The following VAV2 variants were observed in gnomAD, a reference collection of about 807,000 sequenced individuals.
VAV2 encodes vav guanine nucleotide exchange factor 2, also known as guanine nucleotide exchange factor VAV2.
A neutral mutation model predicts 132.5 loss-of-function variants in VAV2; 67 were observed. The observed-to-expected ratio is 0.51, with a 90% CI of 0.42 to 0.62. The LOEUF (loss-of-function observed/expected upper bound fraction) is 0.62. Ranked by LOEUF, VAV2 falls within the 20% of genes least tolerant of loss-of-function variation. VAV2 has a pLI of 0.00. For missense variants in VAV2, 938 were observed against 1,153.6 expected (o/e 0.81, Z 2.71); for synonymous variants, 492 against 443.5 (o/e 1.11, Z -1.37).
intron 2 of VAV2, among the ~76,000 whole-genome samples, chr9:133,875,163 G>A (rs1179746081): frequency 6.6e-6 from 1 of 152,136 alleles, no homozygotes; most frequent in East Asian, 1.9e-4. Flanking sequence ...CTCTCACCAC[G>A]CTCAGGTCAC....
At chr9:133,854,786 G>C (rs998635688) in intron 3 of VAV2, among the ~76,000 whole-genome samples, 1 of 152,126 alleles carries the variant, frequency 6.6e-6, no homozygotes, top group African/African-American at 2.4e-5. Flanking sequence ...TTATTGTAAC[G>C]AAAGGAAAGA....
intron 4 of VAV2, among the ~76,000 whole-genome samples, chr9:133,814,784 G>C (rs1262553455): frequency 3.3e-5 from 5 of 151,716 alleles, no homozygotes; most frequent in Non-Finnish European, 7.4e-5. Flanking sequence ...GACCAGAACC[G>C]GTTGCTGACG....
In VAV2 at chr9:133,884,524, C is replaced by G. The variant is rs1838624880; in HGVS notation, c.322-23092G>C. ...AAGCACTCAACAGATGCTGGCCCAC[C>G]CAGGCCAGCCTCTCCACCCAGGCCA... On this transcript the variant is annotated intron_variant, in intron 2 of 29. Coordinates refer to ENST00000371850, the MANE Select transcript of VAV2 (RefSeq NM_001134398.2). The surrounding 1 kb of genome is among the most constrained non-coding windows in gnomAD (Gnocchi z 5.3). Among the ~76,000 whole-genome samples, 1 of 151,452 alleles carries G rather than the reference C, an allele frequency of 6.6e-6. No homozygotes were observed. The highest frequency in any genetic ancestry group is 1.5e-5 in the Non-Finnish European group (1 of 67,938).
At chr9:133,975,719 C>T (rs547067433) in intron 1 of VAV2, among the ~76,000 whole-genome samples, 1 of 152,310 alleles carries the variant, frequency 6.6e-6, no homozygotes, top group South Asian at 2.1e-4. Flanking sequence ...GGCACAGTGC[C>T]CTGGGTCCAA....
At position 133,923,771 on chromosome 9, in the gene VAV2, GA is replaced by G. The variant is rs1840376149; in HGVS notation, c.321+15331del. On this transcript the variant is annotated intron_variant, in intron 2 of 29. Coordinates refer to ENST00000371850, the MANE Select transcript of VAV2 (RefSeq NM_001134398.2). ...GTCCACCAATGATAGACTGGATTAA[GA>G]AAATGTGGCACATATATACCATGGA... Among the ~76,000 whole-genome samples, 11 of 152,298 alleles carry G rather than the reference GA, an allele frequency of 7.2e-5. No homozygotes were observed. In the South Asian group the frequency reaches 2.3e-3, roughly 32 times the overall value.
chr9:133,791,624 G>C (rs1834465941), intron 13 of VAV2, among the ~76,000 whole-genome samples, 159 bp downstream of exon 13: 1 of 151,996 alleles, frequency 6.6e-6, no homozygotes, highest in African/African-American at 2.4e-5. Context: ...GGATGCTGGG[G>C]GTCTGAGATC....
rs191515732 is a variant in VAV2, at chr9:133,935,682, C to T, written c.321+3421G>A. On this transcript the variant is annotated intron_variant, in intron 2 of 29. Coordinates refer to ENST00000371850, the MANE Select transcript of VAV2 (RefSeq NM_001134398.2). This position sits in a 1 kb window ranked among gnomAD's most constrained non-coding sequence, Gnocchi z 5.2. ...CCAGACCGTGGTGAACGTCCCAGCT[C>T]CCCAGCCTCCGCTGGCCCCAGGCCA... Among the ~76,000 whole-genome samples the T allele has an allele frequency of 1.9e-4, 29 of 152,352 alleles. 1 individual carries two copies. Among genetic ancestry groups the T allele is most frequent in the African/African-American group, 6.5e-4 (27 of 41,588 alleles).
chr9:133,955,957 C>T (rs1023071436), intron 1 of VAV2, among the ~76,000 whole-genome samples: 6 of 150,720 alleles, frequency 4.0e-5, no homozygotes, highest in South Asian at 2.1e-4. Flanking sequence ...GCCCCCGCTC[C>T]GGGGAGCTCT....
rs1554768198 is a variant in VAV2 at position 133,769,472 on chromosome 9, G to A, written c.2379C>T (p.Leu793=). 7 of 1,613,048 alleles carry A rather than the reference G, an allele frequency of 4.3e-6. No individual in the cohort carries two copies. In the Admixed American group the frequency reaches 6.7e-5, roughly 15 times the overall value. ...ASCASYNFSF[L]SPQGLSFASQ... is the part of the protein sequence containing the mutation. ...AAGCAAAGCTGAGGCCCTGAGGACT[G>A]AGAAAAGAAAAGTTGTAGGAAGCAC... Residue 793 remains leucine (L), a synonymous_variant, in exon 28 of 30, where the codon CTC becomes CTT. Coordinates refer to ENST00000371850, the MANE Select transcript of VAV2 (RefSeq NM_001134398.2). The surrounding 1 kb of genome is among the most constrained non-coding windows in gnomAD (Gnocchi z 8.1).
intron 2 of VAV2, among the ~76,000 whole-genome samples, chr9:133,910,244 C>T (rs1394113983): frequency 6.6e-6 from 1 of 152,184 alleles, no homozygotes; most frequent in East Asian, 1.9e-4. Context: ...GACTATGGCA[C>T]CGTCACCCCT....
intron 29 of VAV2, among the ~76,000 whole-genome samples, chr9:133,764,392 CA>C (rs1833367150): frequency 6.6e-6 from 1 of 152,174 alleles, no homozygotes; most frequent in Non-Finnish European, 1.5e-5. Flanking sequence ...AGAACAACTA[CA>C]GCTTTTTCTT....
chr9:133,939,737 C>T (rs1841066492), intron 1 of VAV2, among the ~76,000 whole-genome samples: 2 of 152,260 alleles, frequency 1.3e-5, no homozygotes, highest in African/African-American at 4.8e-5. Flanking sequence ...CGTACATACA[C>T]GAGGCTTCTG....
At chr9:133,809,011 AT>A in intron 7 of VAV2, 28 bp downstream of exon 7, 1 of 1,605,804 alleles carries the variant, frequency 6.2e-7, no homozygotes, top group Non-Finnish European at 8.5e-7. Flanking sequence ...GGCCGCTGCC[AT>A]TTTCCAGTGG....
Position 133,912,169 on chromosome 9 carries a change from C to G in VAV2, c.321+26934G>C, listed in dbSNP as rs1319381136. ...CCAGCTCCCGCTGGTGAACTTAGAT[C>G]AGCTGCGGCTACAGTCCCGGCCTCC... On this transcript the variant is annotated intron_variant, in intron 2 of 29. Coordinates refer to ENST00000371850, the MANE Select transcript of VAV2 (RefSeq NM_001134398.2). This position sits in a 1 kb window ranked among gnomAD's most constrained non-coding sequence, Gnocchi z 4.3. Among the ~76,000 whole-genome samples the G allele has an allele frequency of 3.9e-5, 6 of 152,210 alleles. No homozygotes were observed. The highest frequency in any genetic ancestry group is 7.4e-5 in the Non-Finnish European group (5 of 68,024).
chr9:133,939,157 C>G lies in VAV2; in HGVS notation c.267G>C (p.Arg89Ser). ...LKVCHDKFGL[R>S]NSELFDPFDL... Reference sequence around the variant, plus strand: ...CAAAGGGGTCAAACAGCTCGCTGTTCCTTAATCCAAATTTATCGTGGCAGA... The same window carrying G: ...CAAAGGGGTCAAACAGCTCGCTGTTGCTTAATCCAAATTTATCGTGGCAGA... Residue 89 changes from arginine (R) to serine (S), a missense_variant, in exon 2 of 30, where the codon AGG becomes AGC. Coordinates refer to ENST00000371850, the MANE Select transcript of VAV2 (RefSeq NM_001134398.2). 1 of 1,614,228 alleles carries G rather than the reference C, an allele frequency of 6.2e-7. No individual in the cohort carries two copies. Among genetic ancestry groups the G allele is most frequent in the South Asian group, 1.1e-5 (1 of 91,084 alleles).
At chr9:133,869,740 C>T (rs536711838) in intron 2 of VAV2, among the ~76,000 whole-genome samples, 24 of 152,218 alleles carry the variant, frequency 1.6e-4, no homozygotes, top group African/African-American at 5.5e-4. Flanking sequence ...CCCGACCCTC[C>T]GACTGTCATT....
chr9:133,763,666 G>A lies in VAV2; in HGVS notation c.*396C>T, dbSNP rs756409674. On this transcript the variant is annotated 3_prime_UTR_variant, in exon 30 of 30. Transcript: ENST00000371850. This position sits in a 1 kb window ranked among gnomAD's most constrained non-coding sequence, Gnocchi z 6.8. ...GAGGGTGTGGGGGCAGGTCCCCTCC[G>A]ATGTCCCTAGCCCTTCCTGGGACAG... The A allele has an allele frequency of 6.1e-5, 13 of 213,068 alleles. 1 individual carries two copies. The highest frequency in any genetic ancestry group is 5.3e-4 in the East Asian group (4 of 7,604). The allele number at this position is 213,068 out of a possible 1,614,324, so 13.2% of individuals were successfully genotyped here. A position where few individuals can be genotyped will look rare whatever the true frequency, so the allele number is the denominator to read the frequency against.
chr9:133,971,253 G>C (rs1314692215), intron 1 of VAV2, among the ~76,000 whole-genome samples: 1 of 152,166 alleles, frequency 6.6e-6, no homozygotes, highest in Non-Finnish European at 1.5e-5. Flanking sequence ...AGCCCTCTGG[G>C]GGTCAGACCC....
chr9:133,954,992 A>G (rs897496236), intron 1 of VAV2, among the ~76,000 whole-genome samples: 3 of 152,074 alleles, frequency 2.0e-5, no homozygotes, highest in African/African-American at 7.2e-5. Flanking sequence ...TTTGCGTGCA[A>G]TGAATGCAAG....
Sources: allele counts gnomAD v4.1 joint callset (sites outside exome capture counted in the v4.1 genomes callset), GRCh38; gene constraint gnomAD v4.1.1; non-coding constraint Gnocchi (gnomAD v3.1); transcripts MANE v1.5; gene names NCBI Gene and HGNC (gene_info 2026-07-23, HGNC 2026-07-21).